The following HDGF variants were observed in gnomAD, a reference collection of about 807,000 sequenced individuals.
HDGF encodes heparin binding growth factor.
A neutral mutation model predicts 30.0 loss-of-function variants in HDGF; 5 were observed. That is an observed-to-expected ratio of 0.17 (90% CI 0.09 to 0.35). The LOEUF (loss-of-function observed/expected upper bound fraction) is 0.35, where lower values mean the gene tolerates loss of function less well. Ranked by LOEUF, HDGF falls within the 10% of genes least tolerant of loss-of-function variation. The probability of loss-of-function intolerance (pLI) is 1.00; values close to 1 mark genes in which losing one functional copy is unlikely to be tolerated. For missense variants in HDGF, 214 were observed against 302.8 expected (o/e 0.71, Z 2.18); for synonymous variants, 133 against 112.7 (o/e 1.18, Z -1.14).
At chr1:156,761,457 A>T (rs1226530767) in intron 1 of HDGF, among the ~76,000 whole-genome samples, 1 of 150,886 alleles carries the variant, frequency 6.6e-6, no homozygotes, top group Non-Finnish European at 1.5e-5. Context: ...AAAAATATAA[A>T]AACTAGCCCG....
chr1:156,752,201 G>A (rs148762451), upstream of HDGF: 1,497 of 1,551,784 alleles, frequency 9.6e-4, 12 homozygotes, highest in African/African-American at 0.018. Context: ...CGCGCACTGG[G>A]GTCCTCTCTG....
chr1:156,754,011 G>C (rs1651106396), upstream of HDGF, among the ~76,000 whole-genome samples: 1 of 151,374 alleles, frequency 6.6e-6, no homozygotes, highest in Admixed American at 6.6e-5. Flanking sequence ...CGCCTCCCAG[G>C]ATCAAGCGAT....
upstream of HDGF, among the ~76,000 whole-genome samples, chr1:156,757,279 A>G (rs568433094): frequency 2.0e-5 from 3 of 151,376 alleles, no homozygotes; most frequent in Admixed American, 6.6e-5. Flanking sequence ...CCTGACCAAC[A>G]TGGTGAAACC....
Position 156,760,420 on chromosome 1 carries a change from C to T in HDGF, n.137-1201G>A, listed in dbSNP as rs577683860. Among the ~76,000 whole-genome samples, 3 of 152,316 alleles carry T rather than the reference C, an allele frequency of 2.0e-5. No homozygotes were observed. In the South Asian group the frequency reaches 6.2e-4, roughly 32 times the overall value. On this transcript the variant is annotated intron_variant and non_coding_transcript_variant, in intron 1 of 7. Transcript: ENST00000465180. The stretch of plus-strand genomic sequence containing the variant: ...CCTCTCAGGGTAGAGGTAGCCTCCC[C>T]ACATGCTGGGCAGCAGCTCTGGCTA...
chr1:156,767,220 G>A (rs916062822), upstream of HDGF, among the ~76,000 whole-genome samples: 1 of 152,138 alleles, frequency 6.6e-6, no homozygotes, highest in Non-Finnish European at 1.5e-5. Flanking sequence ...TGGCCAAGGG[G>A]CTACCCTAGG....
chr1:156,744,413 C>T, intron 3 of HDGF, 65 bp from the exon 4 acceptor site: 1 of 1,594,944 alleles, frequency 6.3e-7, no homozygotes, highest in Non-Finnish European at 8.5e-7. Flanking sequence ...CCTCCCCAGA[C>T]CCTCCCTCAG....
At chr1:156,745,242 C>T in intron 2 of HDGF, 55 bp downstream of exon 2, 1 of 1,610,264 alleles carries the variant, frequency 6.2e-7, no homozygotes, top group East Asian at 2.2e-5. Context: ...CTCACCTTCC[C>T]CAGAGTAGTC....
At chr1:156,758,026 G>C (rs1303287736) in intron 2 of HDGF, among the ~76,000 whole-genome samples, 1 of 152,166 alleles carries the variant, frequency 6.6e-6, no homozygotes, top group African/African-American at 2.4e-5. Context: ...GGCTGGGTGC[G>C]GTGGCTCACG....
upstream of HDGF, among the ~76,000 whole-genome samples, chr1:156,756,879 A>C (rs1163223546): frequency 1.4e-5 from 2 of 139,190 alleles, no homozygotes; most frequent in Non-Finnish European, 3.0e-5. Context: ...TGCAACCTCC[A>C]CCTCCTGGGT....
At chr1:156,743,490 G>C in intron 5 of HDGF, 35 bp from the exon 6 acceptor site, 1 of 1,561,882 alleles carries the variant, frequency 6.4e-7, no homozygotes, top group Non-Finnish European at 8.7e-7. Context: ...AAGGGTTAAT[G>C]GTGTGGCCTT....
chr1:156,764,198 G>A (rs560655837), intron 1 of HDGF, among the ~76,000 whole-genome samples: 6 of 151,924 alleles, frequency 3.9e-5, no homozygotes, highest in East Asian at 1.9e-4. Flanking sequence ...GATTACAGGC[G>A]TGAGCCACCG....
At chr1:156,744,580 G>A (rs1184669786) in intron 3 of HDGF, 1 of 1,515,478 alleles carries the variant, frequency 6.6e-7, no homozygotes, top group Admixed American at 2.0e-5. Flanking sequence ...GCTGGAGCAG[G>A]AGGCAAAACC....
At chr1:156,756,669 A>G (rs1311380503), upstream of HDGF, among the ~76,000 whole-genome samples, 1 of 152,168 alleles carries the variant, frequency 6.6e-6, no homozygotes, top group Non-Finnish European at 1.5e-5. Context: ...ATTAGTTACC[A>G]TCTGTTAGCT....
rs1650311245 is a variant in HDGF, at chr1:156,743,832, T to C, written c.536A>G (p.Glu179Gly). 1 of 1,612,752 alleles carries C rather than the reference T, an allele frequency of 6.2e-7. No individual in the cohort carries two copies. The highest frequency in any genetic ancestry group is 1.3e-5 in the African/African-American group (1 of 74,868). ...AACCTCCAAGGTGGCTGCCTCCTTCTCCTCTCCTTCAGGGTTTTCTGCCTC... is the reference window on the plus strand; with the variant it reads ...AACCTCCAAGGTGGCTGCCTCCTTCCCCTCTCCTTCAGGGTTTTCTGCCTC... ...PKEAENPEGE[E>G]KEAATLEVER... The change falls in exon 5 of 6, where the codon GAG (glutamate) becomes GGG (glycine). Residue 179 changes from glutamate to glycine, a missense_variant. Physicochemically the swap from Glu to Gly is moderately conservative, Grantham distance 98. Coordinates refer to ENST00000357325, the MANE Select transcript of HDGF (RefSeq NM_004494.3).
At chr1:156,767,168 A>G (rs995373136), upstream of HDGF, among the ~76,000 whole-genome samples, 6 of 152,106 alleles carry the variant, frequency 3.9e-5, no homozygotes, top group Admixed American at 2.6e-4. Context: ...TCCCGACATC[A>G]CTTGCAGTTT....
chr1:156,765,753 G>T (rs1257864790), intron 1 of HDGF, among the ~76,000 whole-genome samples: 4 of 152,058 alleles, frequency 2.6e-5, no homozygotes, highest in Non-Finnish European at 5.9e-5. Context: ...GATTACAAGC[G>T]TGAGCCACCA....
At chr1:156,744,431 CTCCT>C (rs1213726517) in intron 3 of HDGF, 83 bp from the exon 4 acceptor site, 40 of 1,586,598 alleles carry the variant, frequency 2.5e-5, no homozygotes, top group South Asian at 1.2e-4. Context: ...CAGCCACTCA[CTCCT>C]TCCTTTTCCC....
chr1:156,745,797 C>A (rs758146498), intron 1 of HDGF, among the ~76,000 whole-genome samples: 1 of 152,222 alleles, frequency 6.6e-6, no homozygotes, highest in Non-Finnish European at 1.5e-5. Flanking sequence ...CCTGTTCACC[C>A]CTTCTGCACA....
upstream of HDGF, among the ~76,000 whole-genome samples, chr1:156,752,684 C>T (rs1651052326): frequency 6.6e-6 from 1 of 152,188 alleles, no homozygotes; most frequent in South Asian, 2.1e-4. Context: ...ACTCAGGTCT[C>T]TTCCATTAAG....
Sources: gnomAD v4.1 joint callset for allele counts (sites outside exome capture counted in the v4.1 genomes callset) on GRCh38, gnomAD v4.1.1 for gene constraint, MANE v1.5 for transcripts, NCBI Gene and HGNC (gene_info 2026-07-23, HGNC 2026-07-21) for gene names.